Variants in PDE1A observed in about 807,000 individuals in gnomAD.
PDE1A encodes dual specificity calcium/calmodulin-dependent 3',5'-cyclic nucleotide phosphodiesterase 1A.
In PDE1A, 35 loss-of-function variants were observed where a neutral mutation model predicts 61.7. That is an observed-to-expected ratio of 0.57 (90% CI 0.43 to 0.75). The LOEUF (loss-of-function observed/expected upper bound fraction) is 0.75, where lower values mean the gene tolerates loss of function less well. PDE1A is among the 30% of genes least tolerant of loss of function. The probability of loss-of-function intolerance (pLI) is 0.00; values close to 1 mark genes in which losing one functional copy is unlikely to be tolerated. For missense variants in PDE1A, 597 were observed against 630.6 expected (o/e 0.95, Z 0.57); for synonymous variants, 232 against 213.2 (o/e 1.09, Z -0.77).
chr2:182,378,861 C>T (rs924663819), intron 1 of PDE1A, among the ~76,000 whole-genome samples: 1 of 152,110 alleles, frequency 6.6e-6, no homozygotes, highest in African/African-American at 2.4e-5. Flanking sequence ...ACAAAATCTT[C>T]GTATTATCCA....
chr2:182,640,521 G>A, the PDE1A span, among the ~76,000 whole-genome samples: 12 of 152,004 alleles, frequency 7.9e-5, no homozygotes, highest in African/African-American at 2.2e-4. Context: ...AGAAACATAC[G>A]TATATTTAAG....
chr2:182,203,675 C>A (rs1456994045), intron 8 of PDE1A, among the ~76,000 whole-genome samples: 1 of 151,876 alleles, frequency 6.6e-6, no homozygotes, highest in Non-Finnish European at 1.5e-5. Flanking sequence ...AATAATATGT[C>A]AATAATTAGG....
chr2:182,484,448 G>A (rs1687891540), intron 2 of PDE1A, among the ~76,000 whole-genome samples: 2 of 151,700 alleles, frequency 1.3e-5, no homozygotes, highest in South Asian at 4.2e-4. Context: ...CTGGATACAG[G>A]AACAGGCGAA....
At chr2:182,538,818 G>C in the PDE1A span, among the ~76,000 whole-genome samples, 2 of 152,166 alleles carry the variant, frequency 1.3e-5, no homozygotes, top group Admixed American at 1.3e-4. Flanking sequence ...GTGGTAAAAA[G>C]TACTCATTCA....
intron 1 of PDE1A, among the ~76,000 whole-genome samples, chr2:182,317,780 T>C (rs1292316677): frequency 6.6e-6 from 1 of 152,040 alleles, no homozygotes; most frequent in African/African-American, 2.4e-5. Context: ...TATGCTTAAA[T>C]TCTGGGTGGG....
intron 1 of PDE1A, among the ~76,000 whole-genome samples, chr2:182,370,050 G>A (rs532956741): frequency 8.6e-5 from 13 of 152,022 alleles, no homozygotes; most frequent in South Asian, 2.1e-4. Context: ...GGTGGTGGCC[G>A]CCTGTAATCC....
chr2:182,241,056 A>G (rs1690466973), intron 2 of PDE1A, among the ~76,000 whole-genome samples: 1 of 152,162 alleles, frequency 6.6e-6, no homozygotes, highest in Non-Finnish European at 1.5e-5. Flanking sequence ...CGCTCTGTAT[A>G]AGCTCCAGGT....
At chr2:182,159,206 T>G (rs570514270) in intron 13 of PDE1A, among the ~76,000 whole-genome samples, 2 of 152,340 alleles carry the variant, frequency 1.3e-5, no homozygotes, top group African/African-American at 4.8e-5. Flanking sequence ...TACAGAACCT[T>G]CTTTTTTAGA....
intron 7 of PDE1A, among the ~76,000 whole-genome samples, chr2:182,211,993 T>C (rs1387628573): frequency 1.3e-5 from 2 of 151,932 alleles, no homozygotes; most frequent in African/African-American, 4.8e-5. Flanking sequence ...AAGAGAGAAA[T>C]TCCTTTTTCT....
chr2:182,475,940 T>C (rs17265189), intron 2 of PDE1A, among the ~76,000 whole-genome samples: 24,702 of 151,806 alleles, frequency 0.16, 2,489 homozygotes, highest in Middle Eastern at 0.31. Flanking sequence ...TTTGAGGAGG[T>C]AGGATGTTGA....
exon 13 of PDE1A, chr2:182,185,934 T>C: frequency 6.2e-7 from 1 of 1,614,082 alleles, no homozygotes; most frequent in Non-Finnish European, 8.5e-7. Flanking sequence ...TTCTGCTGAA[T>C]GATGTCCACC....
chr2:182,507,713 C>A (rs530598117), intron 2 of PDE1A, among the ~76,000 whole-genome samples: 57 of 152,176 alleles, frequency 3.7e-4, no homozygotes, highest in East Asian at 1.4e-3. Context: ...ATAAATAAAT[C>A]ATATCTTTGG....
intron 4 of PDE1A, among the ~76,000 whole-genome samples, chr2:182,234,026 G>A (rs1262583164): frequency 1.3e-5 from 2 of 151,934 alleles, no homozygotes; most frequent in Non-Finnish European, 2.9e-5. Flanking sequence ...CCTTCTGTAT[G>A]TTTTGTCATT....
chr2:182,180,526 T>C (rs1375083361), intron 13 of PDE1A, among the ~76,000 whole-genome samples: 4 of 152,168 alleles, frequency 2.6e-5, no homozygotes, highest in Admixed American at 2.0e-4. Context: ...CATTTTTTCC[T>C]TTGTTTCAAC....
chr2:182,473,727 G>A (rs1356801114), intron 2 of PDE1A, among the ~76,000 whole-genome samples: 1 of 151,914 alleles, frequency 6.6e-6, no homozygotes, highest in Non-Finnish European at 1.5e-5. Context: ...ACATATAAGT[G>A]AGAACATCAG....
chr2:182,497,707 T>C (rs1012148772), intron 2 of PDE1A, among the ~76,000 whole-genome samples: 3 of 152,030 alleles, frequency 2.0e-5, no homozygotes, highest in Non-Finnish European at 2.9e-5. Flanking sequence ...AAGAAAGACC[T>C]GTGGACACAG....
At chr2:182,311,010 T>A (rs1018866560) in intron 1 of PDE1A, among the ~76,000 whole-genome samples, 1 of 149,144 alleles carries the variant, frequency 6.7e-6, no homozygotes, top group Non-Finnish European at 1.5e-5. Context: ...GAAGACACAG[T>A]GGAGGATGCC....
At chr2:182,428,920 A>G (rs1390086655), upstream of PDE1A, among the ~76,000 whole-genome samples, 1 of 152,136 alleles carries the variant, frequency 6.6e-6, no homozygotes, top group African/African-American at 2.4e-5. Flanking sequence ...AAATACTAAT[A>G]AACATCTAGC....
the PDE1A span, among the ~76,000 whole-genome samples, chr2:182,608,214 GA>G: frequency 3.9e-5 from 6 of 152,196 alleles, no homozygotes; most frequent in Non-Finnish European, 7.4e-5. Flanking sequence ...CCTTTTCCCT[GA>G]AAATCTAAAA....
Sources: gnomAD v4.1 joint callset for allele counts (sites outside exome capture counted in the v4.1 genomes callset) on GRCh38, gnomAD v4.1.1 for gene constraint, MANE v1.5 for transcripts, NCBI Gene and HGNC (gene_info 2026-07-23, HGNC 2026-07-21) for gene names.